Variants in GNAT2 observed in about 807,000 individuals in gnomAD.
GNAT2 encodes G protein subunit alpha transducin 2.
A neutral mutation model predicts 40.9 loss-of-function variants in GNAT2; 32 were observed. The observed-to-expected ratio is 0.78, with a 90% confidence interval of 0.59 to 1.05. The LOEUF (loss-of-function observed/expected upper bound fraction) is 1.05, where lower values mean the gene tolerates loss of function less well. Ranked by LOEUF, GNAT2 falls within the 50% of genes least tolerant of loss-of-function variation. GNAT2 has a pLI of 0.00. For missense variants in GNAT2, 355 were observed against 431.5 expected, an observed-to-expected ratio of 0.82 and a Z score of 1.57; for synonymous variants, 141 against 157.2, an observed-to-expected ratio of 0.90 and a Z score of 0.77.
rs758050645 is a variant in GNAT2 at position 109,605,989 on chromosome 1, A to G, written c.701T>C (p.Leu234Pro). The change falls in exon 7 of 9, where the codon CTG becomes CCG. Residue 234 changes from leucine (L) to proline (P), a missense_variant. By Grantham distance (98) the Leu-to-Pro change is moderately conservative. Coordinates refer to ENST00000679935, the MANE Select transcript of GNAT2 (RefSeq NM_001377295.2). Reference protein sequence around the residue: ...CAALSAYDMVLVEDDEVNRMH... With the variant: ...CAALSAYDMVPVEDDEVNRMH... The stretch of plus-strand genomic sequence containing the variant: ...ACTCACCACTTCGTCATCTTCCACC[A>G]GCACCATATCATAGGCACTGAGGGC... The G allele has an allele frequency of 6.8e-6, 11 of 1,613,766 alleles. No individual in the cohort carries two copies. Among genetic ancestry groups the G allele is most frequent in the Non-Finnish European group, 7.6e-6 (9 of 1,179,816 alleles).
At chr1:109,610,227 G>T in intron 3 of GNAT2, 46 bp from the exon 4 acceptor site, 1 of 1,598,336 alleles carries the variant, frequency 6.3e-7, no homozygotes, top group East Asian at 2.2e-5. Flanking sequence ...TGAGTAACCA[G>T]ACCTAAGGGA....
intron 7 of GNAT2, chr1:109,605,620 A>G: frequency 5.9e-6 from 2 of 341,516 alleles, no homozygotes; most frequent in Non-Finnish European, 1.1e-5. Flanking sequence ...CTCCTTCCTT[A>G]GGCAATTTGG....
intron 2 of GNAT2, 160 bp downstream of exon 2, chr1:109,612,593 C>T (rs544566505): frequency 2.5e-5 from 17 of 688,574 alleles, no homozygotes; most frequent in Non-Finnish European, 4.3e-5. Context: ...CCCATATTAA[C>T]TCAGCTCTAG....
intron 4 of GNAT2, chr1:109,609,663 T>C: frequency 2.9e-6 from 1 of 342,332 alleles, no homozygotes; most frequent in African/African-American, 2.1e-5. Flanking sequence ...TGCTTACTTC[T>C]CCAGGACTGC....
At chr1:109,609,623 C>T (rs1570564752) in intron 4 of GNAT2, 7 of 318,696 alleles carry the variant, frequency 2.2e-5, no homozygotes, top group East Asian at 8.4e-5. Context: ...GAGAGGAAGA[C>T]CCTGTCCCAG....
chr1:109,618,281 T>C (rs1650012879), intron 1 of GNAT2: 1 of 152,254 alleles, frequency 6.6e-6, no homozygotes, highest in South Asian at 2.1e-4. Flanking sequence ...CCTAACTTTA[T>C]ATTGTAAACA....
chr1:109,606,535 T>C lies in GNAT2; in HGVS notation c.462-99A>G, dbSNP rs1043230631. 1.2e-5 allele frequency: 12 copies of C among 994,414 alleles called. No individual in the cohort carries two copies. In the African/African-American group the frequency reaches 1.6e-4, roughly 13 times the overall value. The allele number at this position is 994,414 out of a possible 1,614,324, so 61.6% of individuals were successfully genotyped here. On this transcript the variant is annotated intron_variant, in intron 5 of 8. Transcript: ENST00000679935. Reference sequence around the variant, plus strand: ...CAAAGTCACACAGCTAATTTGGTGATAGAAATCAGGACTAGAAGCCATATT... The same window carrying C: ...CAAAGTCACACAGCTAATTTGGTGACAGAAATCAGGACTAGAAGCCATATT...
chr1:109,607,688 T>A (rs990554206), intron 5 of GNAT2: 1 of 152,176 alleles, frequency 6.6e-6, no homozygotes, highest in Non-Finnish European at 1.5e-5. Flanking sequence ...ATATTCAGCT[T>A]TGTAGTCAAG....
At chr1:109,613,234 C>T (rs1649855182) in intron 1 of GNAT2, 1 of 333,640 alleles carries the variant, frequency 3.0e-6, no homozygotes, top group Admixed American at 4.1e-5. Flanking sequence ...ATAGGATGCA[C>T]GACTACTTCC....
intron 5 of GNAT2, chr1:109,607,131 AAAAAAG>A (rs1174206866): frequency 6.6e-6 from 1 of 151,938 alleles, no homozygotes; most frequent in Non-Finnish European, 1.5e-5. Flanking sequence ...AAGTTACCTT[AAAAAAG>A]AAAAAGTTAT....
intron 1 of GNAT2, chr1:109,613,156 A>T: frequency 2.4e-6 from 1 of 412,972 alleles, no homozygotes; most frequent in East Asian, 5.7e-5. Context: ...CTTTGTCAAT[A>T]TGGCAAGGGG....
At chr1:109,613,767 C>T (rs1443159914) in intron 1 of GNAT2, 2 of 152,148 alleles carry the variant, frequency 1.3e-5, no homozygotes, top group East Asian at 3.8e-4. Flanking sequence ...CCCTTTGGCC[C>T]ACTAAAGCCA....
rs1649694610 is a variant in GNAT2, at chr1:109,608,640, G to A, written c.452C>T (p.Ser151Phe). Residue 151 changes from serine to phenylalanine, a missense_variant, in exon 5 of 9, where the codon TCC (serine) becomes TTC (phenylalanine). Coordinates refer to ENST00000679935, the MANE Select transcript of GNAT2 (RefSeq NM_001377295.2). ...CACCAGTCAGTCTTACTAAGATGCG[G>A]AGTCATTAAGCTGGTATTCTGCAGC... Reference protein sequence around the residue: ...ERAAEYQLNDSASYYLNQLER... With the variant: ...ERAAEYQLNDFASYYLNQLER... The A allele has an allele frequency of 1.9e-6, 3 of 1,613,754 alleles. No homozygotes were observed. Among genetic ancestry groups the A allele is most frequent in the Admixed American group, 3.3e-5 (2 of 60,012 alleles).
chr1:109,604,336 T>A lies in GNAT2; in HGVS notation c.721-232A>T, dbSNP rs182256559. The A allele has an allele frequency of 9.8e-5, 54 of 549,776 alleles. No individual in the cohort carries two copies. The East Asian group carries it at 1.7e-3, about 17-fold the overall frequency. 34.1% of individuals were successfully genotyped at this position (549,776 alleles called of 1,614,324 possible). On this transcript the variant is annotated intron_variant, in intron 7 of 8. Transcript: ENST00000679935. ...AAAATTATTGAGCTTTTTCTGAGTC[T>A]GTTTTCCTATCTTATAGGGTTACAA...
Position 109,604,006 on chromosome 1 carries a change from G to T in GNAT2, c.819C>A (p.Leu273=). The change falls in exon 8 of 9, where the codon CTC becomes CTA. Residue 273 remains leucine, a synonymous_variant. Coordinates refer to ENST00000679935, the MANE Select transcript of GNAT2 (RefSeq NM_001377295.2). ...GGACTTTCTTGATTTTTTCCTCAAA[G>T]AGGTCCTTCTTGTTGAGAAAGAGGA... ...SIVLFLNKKD[L]FEEKIKKVHL... 6 of 1,609,310 alleles carry T rather than the reference G, an allele frequency of 3.7e-6. No homozygotes were observed. Among genetic ancestry groups the T allele is most frequent in the Non-Finnish European group, 5.1e-6 (6 of 1,175,706 alleles).
chr1:109,609,268 G>T (rs1649716611), intron 4 of GNAT2: 1 of 191,100 alleles, frequency 5.2e-6, no homozygotes, highest in Admixed American at 5.3e-5. Flanking sequence ...CCCAAGGGTA[G>T]CAATTTAAAT....
chr1:109,610,434 T>G (rs1649760582), intron 3 of GNAT2, 31 bp downstream of exon 3: 1 of 1,604,500 alleles, frequency 6.2e-7, no homozygotes, highest in East Asian at 2.2e-5. Context: ...CTTCACCCTA[T>G]CTTGTCTTTT....
At chr1:109,604,317 A>C in intron 7 of GNAT2, 1 of 576,722 alleles carries the variant, frequency 1.7e-6, no homozygotes, top group East Asian at 3.0e-5. Context: ...GTGGAAAATT[A>C]TTGAGCTTTT....
Position 109,617,633 on chromosome 1 carries a change from A to C in GNAT2, c.-54+1850T>G, listed in dbSNP as rs975717005. ...ACAATACACCAGATGACCTGGAAAT[A>C]GGGGAGGGTTGTAGAGTGAAGGGTG... On this transcript the variant is annotated intron_variant, in intron 1 of 8. Transcript: ENST00000679935. 3.9e-5 allele frequency: 6 copies of C among 152,180 alleles called. No individual in the cohort carries two copies. The South Asian group carries it at 8.3e-4, about 21-fold the overall frequency. 9.4% of individuals were successfully genotyped at this position (152,180 alleles called of 1,614,324 possible).
Sources: gnomAD v4.1 joint callset for allele counts on GRCh38, gnomAD v4.1.1 for gene constraint, MANE v1.5 for transcripts, NCBI Gene and HGNC (gene_info 2026-07-23, HGNC 2026-07-21) for gene names.